Variants in HIVEP3 observed in about 807,000 individuals in gnomAD.
The protein encoded by HIVEP3 is transcription factor HIVEP3.
HIVEP3 carries 49 observed loss-of-function variants against 152.8 expected under a neutral mutation model. The ratio of observed to expected loss-of-function variants is 0.32; its 90% CI spans 0.26 to 0.41. HIVEP3 has a LOEUF of 0.41. Ranked by LOEUF, HIVEP3 falls within the 10% of genes least tolerant of loss-of-function variation. The pLI is 1.00. For missense variants in HIVEP3, 2,790 were observed against 3,103.3 expected, an observed-to-expected ratio of 0.90 and a Z score of 2.40; for synonymous variants, 1,269 against 1,289.0, an observed-to-expected ratio of 0.98 and a Z score of 0.33.
intron 2 of HIVEP3, among the ~76,000 whole-genome samples, chr1:41,676,999 G>C (rs1311649497): frequency 6.6e-6 from 1 of 152,184 alleles, no homozygotes; most frequent in Non-Finnish European, 1.5e-5. Flanking sequence ...GCCGTGTGGA[G>C]GATGACGCCC....
intron 1 of HIVEP3, among the ~76,000 whole-genome samples, chr1:41,767,530 C>T (rs1648090020): frequency 6.6e-6 from 1 of 152,176 alleles, no homozygotes; most frequent in Non-Finnish European, 1.5e-5. Flanking sequence ...TGGAGAGTTC[C>T]AGGGTCCTTC....
chr1:41,713,240 T>C (rs1213458807), intron 1 of HIVEP3, among the ~76,000 whole-genome samples: 1 of 152,120 alleles, frequency 6.6e-6, no homozygotes, highest in Non-Finnish European at 1.5e-5. Context: ...TCTTCTGAGC[T>C]CCCACTGCCC....
intron 1 of HIVEP3, among the ~76,000 whole-genome samples, chr1:41,952,794 A>G (rs1229574723): frequency 2.0e-5 from 3 of 152,238 alleles, no homozygotes; most frequent in Admixed American, 6.5e-5. Context: ...TATTATTCAT[A>G]TTACTGACAC....
intron 1 of HIVEP3, among the ~76,000 whole-genome samples, chr1:41,712,688 C>A (rs923368391): frequency 6.6e-6 from 1 of 152,212 alleles, no homozygotes; most frequent in Non-Finnish European, 1.5e-5. Context: ...AGAAACAGAG[C>A]CACAACCTGT....
chr1:41,907,242 T>A (rs1644727878), intron 1 of HIVEP3, among the ~76,000 whole-genome samples: 1 of 152,224 alleles, frequency 6.6e-6, no homozygotes, highest in Non-Finnish European at 1.5e-5. Flanking sequence ...TAATCCTTGA[T>A]AACCCCTGAA....
intron 1 of HIVEP3, among the ~76,000 whole-genome samples, chr1:41,711,681 C>T (rs540251222): frequency 2.0e-5 from 3 of 152,332 alleles, no homozygotes; most frequent in Admixed American, 6.5e-5. Context: ...GCCTTCTCCT[C>T]GTCCTTCCTG....
At chr1:41,555,916 G>A (rs909911006) in intron 5 of HIVEP3, among the ~76,000 whole-genome samples, 2 of 152,146 alleles carry the variant, frequency 1.3e-5, no homozygotes, top group African/African-American at 2.4e-5. Flanking sequence ...CTTAGTTCAC[G>A]CAGCATGGTG....
chr1:41,740,392 A>C (rs1558228298), intron 1 of HIVEP3, among the ~76,000 whole-genome samples: 1 of 152,186 alleles, frequency 6.6e-6, no homozygotes, highest in Non-Finnish European at 1.5e-5. Flanking sequence ...TTGCCTATAC[A>C]CAGCTGCACC....
chr1:41,961,089 C>T (rs571031368), intron 1 of HIVEP3, among the ~76,000 whole-genome samples: 5 of 152,292 alleles, frequency 3.3e-5, no homozygotes, highest in Non-Finnish European at 4.4e-5. Context: ...CCACTTGGTC[C>T]TCTGCAACAA....
chr1:41,657,547 C>G (rs2124035745), intron 2 of HIVEP3, among the ~76,000 whole-genome samples: 1 of 152,318 alleles, frequency 6.6e-6, no homozygotes, highest in Non-Finnish European at 1.5e-5. Context: ...GCAGCTGATT[C>G]ATTCACAAAT....
intron 3 of HIVEP3, among the ~76,000 whole-genome samples, chr1:41,612,277 CT>C (rs753099775): frequency 5.9e-4 from 90 of 152,332 alleles, no homozygotes; most frequent in Non-Finnish European, 1.0e-3. Flanking sequence ...CTGCCTTCCC[CT>C]GGCCGGTGTT....
chr1:41,738,575 G>A (rs1646951479), intron 1 of HIVEP3, among the ~76,000 whole-genome samples: 1 of 152,156 alleles, frequency 6.6e-6, no homozygotes, highest in South Asian at 2.1e-4. Context: ...TAGAGTCTGA[G>A]GCATCAGGTG....
At chr1:41,695,279 C>T (rs558751169) in intron 2 of HIVEP3, among the ~76,000 whole-genome samples, 1 of 152,276 alleles carries the variant, frequency 6.6e-6, no homozygotes, top group South Asian at 2.1e-4. Context: ...TCCTTGCTTG[C>T]CCAGGGGGTT....
At chr1:41,768,129 C>T (rs780022966) in intron 1 of HIVEP3, among the ~76,000 whole-genome samples, 20 of 152,170 alleles carry the variant, frequency 1.3e-4, no homozygotes, top group African/African-American at 3.9e-4. Context: ...TTCATTTTCA[C>T]GCTGCTGATA....
intron 1 of HIVEP3, among the ~76,000 whole-genome samples, chr1:41,762,793 G>A (rs938800710): frequency 5.3e-5 from 8 of 152,252 alleles, no homozygotes; most frequent in African/African-American, 1.9e-4. Flanking sequence ...GTGAGCAGGG[G>A]CATCACCAGC....
intron 1 of HIVEP3, among the ~76,000 whole-genome samples, chr1:41,906,727 G>C (rs2124460273): frequency 6.6e-6 from 1 of 152,204 alleles, no homozygotes; most frequent in East Asian, 1.9e-4. Context: ...GAGACTTGAT[G>C]TCATGCAGTC....
chr1:41,828,134 G>C (rs962240064), intron 1 of HIVEP3, among the ~76,000 whole-genome samples: 5 of 152,224 alleles, frequency 3.3e-5, no homozygotes, highest in Non-Finnish European at 7.3e-5. Flanking sequence ...TGCAACCCCA[G>C]TATGGAAGCA....
chr1:41,629,209 T>C (rs1225032167), intron 2 of HIVEP3, among the ~76,000 whole-genome samples: 1 of 152,156 alleles, frequency 6.6e-6, no homozygotes, highest in African/African-American at 2.4e-5. Context: ...GCACAGACCC[T>C]GCAAAGCCCC....
At chr1:41,949,521 G>GTTATTATGTTAA (rs752131082) in intron 1 of HIVEP3, among the ~76,000 whole-genome samples, 39 of 152,232 alleles carry the variant, frequency 2.6e-4, no homozygotes, top group Non-Finnish European at 3.4e-4. Context: ...GAAGAATGCT[G>GTTATTATGTTAA]TTATTATGTT....
Sources: allele counts gnomAD v4.1 joint callset (sites outside exome capture counted in the v4.1 genomes callset), GRCh38; gene constraint gnomAD v4.1.1; transcripts MANE v1.5; gene names NCBI Gene and HGNC (gene_info 2026-07-23, HGNC 2026-07-21).